The following TBC1D2 variants were observed in gnomAD, a reference collection of about 807,000 sequenced individuals.
TBC1D2 encodes TBC1 domain family member 2.
A neutral mutation model predicts 91.1 loss-of-function variants in TBC1D2; 58 were observed. The ratio of observed to expected loss-of-function variants is 0.64; its 90% confidence interval spans 0.52 to 0.79. TBC1D2 has a LOEUF of 0.79. Among genes scored for constraint, TBC1D2 ranks in the 30% least tolerant of loss-of-function variants. The probability of loss-of-function intolerance (pLI) is 0.00; values close to 1 mark genes in which losing one functional copy is unlikely to be tolerated. For synonymous variants in TBC1D2, 482 were observed against 511.5 expected (o/e 0.94, Z 0.78); for missense variants, 1,080 against 1,208.3 (o/e 0.89, Z 1.57).
intron 9 of TBC1D2, among the ~76,000 whole-genome samples, chr9:98,205,559 T>G (rs1265016081): frequency 6.6e-6 from 1 of 152,160 alleles, no homozygotes; most frequent in Non-Finnish European, 1.5e-5. Context: ...TTTCTTTTCT[T>G]TTTTTGAGAC....
rs765225757 is a variant in TBC1D2 at position 98,229,031 on chromosome 9, C to T, written c.899G>A (p.Arg300Gln). 1.5e-5 allele frequency: 25 copies of T among 1,614,048 alleles called. No individual in the cohort carries two copies. Among genetic ancestry groups the T allele is most frequent in the Admixed American group, 3.3e-5 (2 of 60,006 alleles). The part of the protein sequence containing the change: ...TFPFFSEGIT[R>Q]NRTAQEKVAA... ...CACTTTCTCCTGGGCAGTTCGGTTCCGTGTGATTCCTTCAGAAAAGAATGG... is the reference window on the plus strand; with the variant it reads ...CACTTTCTCCTGGGCAGTTCGGTTCTGTGTGATTCCTTCAGAAAAGAATGG... The change falls in exon 5 of 13, where the codon CGG becomes CAG. Residue 300 changes from arginine to glutamine, a missense_variant. Transcript: ENST00000465784.
At position 98,244,027 on chromosome 9, in the gene TBC1D2, T is replaced by C. The variant is rs368737708; in HGVS notation, c.614A>G (p.Asn205Ser). The change falls in exon 3 of 13, where the codon AAT (asparagine) becomes AGT (serine). Residue 205 changes from asparagine (N) to serine (S), a missense_variant. Physicochemically the swap from Asn to Ser is conservative, Grantham distance 46. Transcript: ENST00000465784. ...AGTCCCCAGGTGCTTGAGGGAAATA[T>C]TCTGAAGGGCAGGGAAGGGCTGCAA... Reference protein sequence around the residue: ...AALQPFPALQNISLKHLGTEI... With the variant: ...AALQPFPALQSISLKHLGTEI... 38 of 1,610,354 alleles carry C rather than the reference T, an allele frequency of 2.4e-5. No homozygotes were observed. The highest frequency in any genetic ancestry group is 3.1e-5 in the Non-Finnish European group (37 of 1,178,412).
At position 98,221,059 on chromosome 9, in the gene TBC1D2, C is replaced by G. The variant is rs768993588; in HGVS notation, c.1148G>C (p.Arg383Pro). The change falls in exon 6 of 13, where the codon CGG becomes CCG. Residue 383 changes from arginine to proline, a missense_variant. By Grantham distance (103) the Arg-to-Pro change is moderately radical (BLOSUM62 -2). Coordinates refer to ENST00000465784, the MANE Select transcript of TBC1D2 (RefSeq NM_001267571.2). ...GCTCGCTGTGTGCGCCAGGCTCTCC[C>G]GCTCCTGCTCCAGGGCCTCCACCCG... ...GRRVEALEQE[R>P]ESLAHTASLR... The G allele has an allele frequency of 6.2e-7, 1 of 1,611,288 alleles. No homozygotes were observed. The highest frequency in any genetic ancestry group is 1.7e-5 in the Admixed American group (1 of 59,716).
At chr9:98,202,088 G>T (rs1828522649) in intron 10 of TBC1D2, among the ~76,000 whole-genome samples, 1 of 152,206 alleles carries the variant, frequency 6.6e-6, no homozygotes, top group South Asian at 2.1e-4. Context: ...GACAACCACA[G>T]CCCCTTCTCT....
intron 2 of TBC1D2, among the ~76,000 whole-genome samples, chr9:98,244,992 G>C (rs12351571): frequency 0.077 from 11,772 of 152,112 alleles, 585 homozygotes; most frequent in Middle Eastern, 0.13. Context: ...TGTAATCCCA[G>C]CACTTTGGGA....
At chr9:98,235,311 A>C in intron 3 of TBC1D2, 3 of 405,300 alleles carry the variant, frequency 7.4e-6, no homozygotes, top group South Asian at 6.5e-5. Flanking sequence ...GATGGTGCAG[A>C]TCGTGAGAAG....
In TBC1D2 at chr9:98,220,857, C is replaced by T. The variant is rs779364138; in HGVS notation, c.1350G>A (p.Gln450=). Reference sequence around the variant, plus strand: ...CCTTCAGGTGCTCTATCTTCCCCTGCTGGCTCAGGAAGTCCCTGTTGGCAG... The same window carrying T: ...CCTTCAGGTGCTCTATCTTCCCCTGTTGGCTCAGGAAGTCCCTGTTGGCAG... The part of the protein sequence containing the change: ...PDAANRDFLS[Q]QGKIEHLKDD... Residue 450 remains glutamine, a synonymous_variant, in exon 6 of 13, where the codon CAG becomes CAA. Transcript: ENST00000465784. The T allele has an allele frequency of 4.3e-6, 7 of 1,614,028 alleles. No homozygotes were observed. Among genetic ancestry groups the T allele is most frequent in the Admixed American group, 3.3e-5 (2 of 60,008 alleles).
rs771351890 is a variant in TBC1D2 at position 98,233,562 on chromosome 9, A to G, written c.648-13T>C. ...GTGCATTGTGTTCCTGAAAGGAGACAAGAACAGAGGAGCATGAGGCTGAAC... is the reference window on the plus strand; with the variant it reads ...GTGCATTGTGTTCCTGAAAGGAGACGAGAACAGAGGAGCATGAGGCTGAAC... On this transcript the variant is annotated splice_polypyrimidine_tract_variant and intron_variant, in intron 3 of 12. Coordinates refer to ENST00000465784, the MANE Select transcript of TBC1D2 (RefSeq NM_001267571.2). The G allele has an allele frequency of 8.7e-6, 14 of 1,613,628 alleles. No homozygotes were observed. The highest frequency in any genetic ancestry group is 3.3e-5 in the Admixed American group (2 of 59,948).
At chr9:98,220,714 T>A in intron 6 of TBC1D2, 119 bp downstream of exon 6, 1 of 1,273,546 alleles carries the variant, frequency 7.9e-7, no homozygotes, top group Non-Finnish European at 1.1e-6. Flanking sequence ...GTGAATATTC[T>A]AGGATGAAGG....
chr9:98,237,519 T>C (rs1829536234), intron 3 of TBC1D2, among the ~76,000 whole-genome samples: 1 of 151,810 alleles, frequency 6.6e-6, no homozygotes, highest in Non-Finnish European at 1.5e-5. Flanking sequence ...TTTTCTTTTT[T>C]TTTTTGAGAT....
intron 4 of TBC1D2, among the ~76,000 whole-genome samples, chr9:98,230,039 T>C (rs777866608): frequency 6.6e-6 from 1 of 152,232 alleles, no homozygotes; most frequent in East Asian, 1.9e-4. Context: ...CATTCCCTTG[T>C]GTTGCCTTGT....
chr9:98,249,187 T>G (rs191521932), intron 2 of TBC1D2, among the ~76,000 whole-genome samples: 3 of 151,412 alleles, frequency 2.0e-5, no homozygotes, highest in Non-Finnish European at 4.4e-5. Context: ...GGGAGGAGAG[T>G]GCAGGCTTGC....
intron 2 of TBC1D2, among the ~76,000 whole-genome samples, chr9:98,246,592 G>A (rs1199937677): frequency 3.9e-5 from 6 of 152,070 alleles, no homozygotes; most frequent in African/African-American, 1.2e-4. Flanking sequence ...CTAAGGAGCA[G>A]GGAAGGGGAA....
At chr9:98,203,552 G>T in intron 9 of TBC1D2, 144 bp from the exon 10 acceptor site, 1 of 1,262,592 alleles carries the variant, frequency 7.9e-7, no homozygotes, top group Non-Finnish European at 1.1e-6. Flanking sequence ...CCAGATTTGT[G>T]CTCCTGGCAC....
At chr9:98,222,995 C>T (rs1276031244) in intron 5 of TBC1D2, among the ~76,000 whole-genome samples, 2 of 152,236 alleles carry the variant, frequency 1.3e-5, no homozygotes, top group Non-Finnish European at 2.9e-5. Context: ...TACCAAGCAC[C>T]ACTCGGTGCC....
At chr9:98,226,220 T>G (rs77440244) in intron 5 of TBC1D2, among the ~76,000 whole-genome samples, 2 of 152,164 alleles carry the variant, frequency 1.3e-5, no homozygotes, top group African/African-American at 4.8e-5. Context: ...CCCTTCCTAA[T>G]GTGGAATGAA....
chr9:98,222,413 T>C (rs186134009), intron 5 of TBC1D2, among the ~76,000 whole-genome samples: 2 of 152,228 alleles, frequency 1.3e-5, no homozygotes, highest in African/African-American at 4.8e-5. Context: ...TTGTGCCTAG[T>C]TACCTTCAGC....
intron 7 of TBC1D2, among the ~76,000 whole-genome samples, chr9:98,212,506 C>CTTT (rs35946860): frequency 6.8e-6 from 1 of 146,202 alleles, no homozygotes; most frequent in Non-Finnish European, 1.5e-5. Flanking sequence ...CCAAGTGCAT[C>CTTT]TTTTTTTTTT....
At chr9:98,249,903 A>G (rs1214490701) in intron 2 of TBC1D2, among the ~76,000 whole-genome samples, 3 of 152,220 alleles carry the variant, frequency 2.0e-5, no homozygotes, top group Non-Finnish European at 4.4e-5. Flanking sequence ...TGACTTACAC[A>G]TTCATTCCAC....
Sources: gnomAD v4.1 joint callset for allele counts (sites outside exome capture counted in the v4.1 genomes callset) on GRCh38, gnomAD v4.1.1 for gene constraint, MANE v1.5 for transcripts, NCBI Gene and HGNC (gene_info 2026-07-23, HGNC 2026-07-21) for gene names.